The following CPNE3 variants were observed in gnomAD, a reference collection of about 807,000 sequenced individuals.
CPNE3 encodes copine-3.
A neutral mutation model predicts 63.9 loss-of-function variants in CPNE3; 68 were observed. The ratio of observed to expected loss-of-function variants is 1.06; its 90% confidence interval spans 0.87 to 1.30. The LOEUF is 1.30. Ranked by LOEUF, CPNE3 falls within the 50% of genes most tolerant of loss-of-function variation. The pLI, the probability that CPNE3 is intolerant of heterozygous loss-of-function variation, is 0.00. For missense variants in CPNE3, 665 were observed against 578.1 expected (o/e 1.15, Z -1.54); for synonymous variants, 219 against 197.5 (o/e 1.11, Z -0.91).
At chr8:86,532,371 G>T (rs972048012) in intron 5 of CPNE3, 138 bp from the exon 6 acceptor site, 1 of 556,178 alleles carries the variant, frequency 1.8e-6, no homozygotes, top group Non-Finnish European at 3.0e-6. Context: ...TTTTAATGAT[G>T]CCATTTTCTT....
At chr8:86,537,672 A>C in intron 7 of CPNE3, 26 bp downstream of exon 7, 2 of 1,261,300 alleles carry the variant, frequency 1.6e-6, no homozygotes, top group Non-Finnish European at 1.2e-6. Context: ...TGAAAAGCAG[A>C]GTGGAGGTGT....
intron 2 of CPNE3, among the ~76,000 whole-genome samples, chr8:86,522,335 G>T (rs1820451913): frequency 6.6e-6 from 1 of 152,110 alleles, no homozygotes; most frequent in Non-Finnish European, 1.5e-5. Context: ...CACCTAGAAA[G>T]TATTCAGTAA....
At chr8:86,542,151 A>G (rs368240158) in intron 8 of CPNE3, among the ~76,000 whole-genome samples, 25 of 152,236 alleles carry the variant, frequency 1.6e-4, no homozygotes, top group Admixed American at 1.0e-3. Flanking sequence ...GTTTTTAACT[A>G]TACACAACTT....
chr8:86,553,952 T>C (rs545334162), intron 14 of CPNE3: 3 of 152,296 alleles, frequency 2.0e-5, no homozygotes, highest in African/African-American at 7.2e-5. Context: ...GTTGTGCTGT[T>C]GTAATAAACA....
intron 2 of CPNE3, among the ~76,000 whole-genome samples, chr8:86,522,293 G>A (rs749560520): frequency 8.6e-5 from 13 of 151,920 alleles, no homozygotes; most frequent in Non-Finnish European, 1.3e-4. Flanking sequence ...TATTTATTTC[G>A]TTTTTGCCTC....
At chr8:86,547,433 T>A in intron 10 of CPNE3, 1 of 303,696 alleles carries the variant, frequency 3.3e-6, no homozygotes, top group South Asian at 5.0e-5. Flanking sequence ...CTCAACATAT[T>A]GGATTCATTA....
At chr8:86,552,049 A>G (rs905375678) in intron 14 of CPNE3, among the ~76,000 whole-genome samples, 5 of 152,194 alleles carry the variant, frequency 3.3e-5, no homozygotes, top group Non-Finnish European at 1.5e-5. Flanking sequence ...CAGAAATGCC[A>G]GCTCTTCCAC....
chr8:86,554,519 C>A (rs1821267984), intron 14 of CPNE3, among the ~76,000 whole-genome samples: 1 of 152,118 alleles, frequency 6.6e-6, no homozygotes, highest in Admixed American at 6.5e-5. Flanking sequence ...TGATGTGAAA[C>A]CTTTTTCATG....
At position 86,556,165 on chromosome 8, in the gene CPNE3, G is replaced by A; in HGVS notation, c.1318G>A (p.Ala440Thr). The A allele has an allele frequency of 1.1e-6, 1 of 873,010 alleles. No individual in the cohort carries two copies. Among genetic ancestry groups the A allele is most frequent in the Non-Finnish European group, 2.0e-6 (1 of 501,690 alleles). 54.1% of individuals were successfully genotyped at this position (873,010 alleles called of 1,614,324 possible). A position where few individuals can be genotyped will look rare whatever the true frequency, so the allele number is the denominator to read the frequency against. ...VITDLDETRQAIVNASRLPMS... is the reference protein window; with the variant it reads ...VITDLDETRQTIVNASRLPMS... ...CACAGACCTTGATGAAACCAGACAA[G>A]CTATAGTTAATGCCTCCAGGCTGCC... The change falls in exon 16 of 17, where the codon GCT becomes ACT. Residue 440 changes from alanine to threonine, a missense_variant. Ala to Thr is a moderately conservative substitution (Grantham distance 58). Transcript: ENST00000517490.
intron 6 of CPNE3, among the ~76,000 whole-genome samples, chr8:86,533,134 C>T (rs1341292570): frequency 2.6e-5 from 4 of 152,050 alleles, no homozygotes; most frequent in African/African-American, 9.7e-5. Context: ...TCAAGCAATC[C>T]TCCCATCTCA....
chr8:86,523,493 A>C (rs145244090), intron 2 of CPNE3, among the ~76,000 whole-genome samples: 6 of 152,340 alleles, frequency 3.9e-5, no homozygotes, highest in Non-Finnish European at 7.4e-5. Context: ...AAGTAACAAT[A>C]GTGGAAAGAA....
At chr8:86,522,243 A>T (rs1047664636) in intron 2 of CPNE3, among the ~76,000 whole-genome samples, 1 of 152,170 alleles carries the variant, frequency 6.6e-6, no homozygotes, top group African/African-American at 2.4e-5. Context: ...ATACTCTTGT[A>T]TACTATTTCT....
intron 16 of CPNE3, among the ~76,000 whole-genome samples, chr8:86,557,196 C>T (rs111487243): frequency 0.29 from 44,538 of 152,004 alleles, 6,885 homozygotes; most frequent in Non-Finnish European, 0.32. Context: ...GTCACCCAGG[C>T]TGGAGTACAG....
chr8:86,521,756 C>T (rs975620380), intron 2 of CPNE3: 4 of 151,848 alleles, frequency 2.6e-5, no homozygotes, highest in African/African-American at 9.7e-5. Flanking sequence ...TATTTTTTTC[C>T]TAATATATAC....
intron 3 of CPNE3, 115 bp from the exon 4 acceptor site, chr8:86,528,830 T>A: frequency 1.5e-6 from 2 of 1,296,130 alleles, no homozygotes; most frequent in Non-Finnish European, 2.1e-6. Context: ...TTCATACACA[T>A]ATAGAAACTT....
intron 2 of CPNE3, among the ~76,000 whole-genome samples, chr8:86,526,720 C>T (rs1216313029): frequency 6.6e-6 from 1 of 152,066 alleles, no homozygotes; most frequent in East Asian, 1.9e-4. Context: ...CCATGTTGAC[C>T]AGGCCGGTCT....
rs910855305 is a variant in CPNE3, at chr8:86,559,540, T to C, written c.*1130T>C. The C allele has an allele frequency of 2.0e-5, 3 of 152,138 alleles. No individual in the cohort carries two copies. Among genetic ancestry groups the C allele is most frequent in the African/African-American group, 7.2e-5 (3 of 41,424 alleles). 9.4% of individuals were successfully genotyped at this position (152,138 alleles called of 1,614,324 possible). A position where few individuals can be genotyped will look rare whatever the true frequency, so the allele number is the denominator to read the frequency against. On this transcript the variant is annotated 3_prime_UTR_variant, in exon 17 of 17. Coordinates refer to ENST00000517490, the MANE Select transcript of CPNE3 (RefSeq NM_003909.5). ...TGTGATATTTCCTATGTCTACAGCA[T>C]ACCTTATTAGGTATAAAACCTACTG...
At position 86,559,944 on chromosome 8, in the gene CPNE3, C is replaced by T. The variant is rs574456938; in HGVS notation, c.*1534C>T. ...ATGCCTCAAGGGAGTGAGCTCTCAA[C>T]CACAGATAGCTGTGGCTTCTCAGAA... On this transcript the variant is annotated 3_prime_UTR_variant, in exon 17 of 17. Coordinates refer to ENST00000517490, the MANE Select transcript of CPNE3 (RefSeq NM_003909.5). 4 of 152,338 alleles carry T rather than the reference C, an allele frequency of 2.6e-5. No individual in the cohort carries two copies. The highest frequency in any genetic ancestry group is 2.1e-4 in the South Asian group (1 of 4,826). 9.4% of individuals were successfully genotyped at this position (152,338 alleles called of 1,614,324 possible).
chr8:86,535,320 C>CTTT (rs59696136), intron 6 of CPNE3, among the ~76,000 whole-genome samples: 2 of 142,780 alleles, frequency 1.4e-5, no homozygotes, highest in African/African-American at 2.6e-5. Context: ...ACAGAAAAGA[C>CTTT]TTTTTTTTTT....
Sources: allele counts gnomAD v4.1 joint callset (sites outside exome capture counted in the v4.1 genomes callset), GRCh38; gene constraint gnomAD v4.1.1; transcripts MANE v1.5; gene names NCBI Gene and HGNC (gene_info 2026-07-23, HGNC 2026-07-21).